Variants in NCKAP5 observed in about 807,000 individuals in gnomAD.
NCKAP5 encodes the protein nck-associated protein 5.
In NCKAP5, 92 loss-of-function variants were observed where a neutral mutation model predicts 167.0. The observed-to-expected ratio is 0.55, with a 90% CI of 0.47 to 0.66. The LOEUF (loss-of-function observed/expected upper bound fraction) is 0.66. Among genes scored for constraint, NCKAP5 ranks in the 30% least tolerant of loss-of-function variants. The probability of loss-of-function intolerance (pLI) is 0.00; values close to 1 mark genes in which losing one functional copy is unlikely to be tolerated. For missense variants in NCKAP5, 2,378 were observed against 2,315.0 expected (o/e 1.03, Z -0.56); for synonymous variants, 891 against 877.4 (o/e 1.02, Z -0.27).
At chr2:132,774,272 G>T (rs777467636) in intron 15 of NCKAP5, among the ~76,000 whole-genome samples, 8 of 152,150 alleles carry the variant, frequency 5.3e-5, no homozygotes, top group African/African-American at 1.9e-4. Flanking sequence ...GTCTAACGAG[G>T]TATAATTCCT....
intron 3 of NCKAP5, among the ~76,000 whole-genome samples, chr2:133,345,234 C>T (rs1025475925): frequency 1.3e-5 from 2 of 152,016 alleles, no homozygotes; most frequent in African/African-American, 4.8e-5. Context: ...AAGTGAGGAG[C>T]GCCTTTGCCC....
intron 5 of NCKAP5, among the ~76,000 whole-genome samples, chr2:133,188,156 T>A (rs2085036007): frequency 6.6e-6 from 1 of 151,940 alleles, no homozygotes; most frequent in African/African-American, 2.4e-5. Flanking sequence ...GGAGCTCTTG[T>A]AAGGCAGACC....
chr2:132,955,679 G>A (rs2076320183), intron 8 of NCKAP5, among the ~76,000 whole-genome samples: 2 of 152,112 alleles, frequency 1.3e-5, no homozygotes, highest in African/African-American at 2.4e-5. Context: ...ATCCAGTAAT[G>A]AGATTGCTGG....
intron 3 of NCKAP5, among the ~76,000 whole-genome samples, chr2:133,513,457 T>C (rs1683671852): frequency 6.6e-6 from 1 of 152,188 alleles, no homozygotes; most frequent in Non-Finnish European, 1.5e-5. Context: ...CAAGTCCATG[T>C]GGTGCATCCT....
chr2:133,462,295 T>C (rs543488231), intron 3 of NCKAP5, among the ~76,000 whole-genome samples: 1 of 152,288 alleles, frequency 6.6e-6, no homozygotes, highest in African/African-American at 2.4e-5. Context: ...GATAAAGTTG[T>C]CAGAGTGGAG....
rs1397493932 is a variant in NCKAP5, at chr2:133,453,605, G to A, written c.69+63853C>T. Among the ~76,000 whole-genome samples, 3 of 152,202 alleles carry A rather than the reference G, an allele frequency of 2.0e-5. No homozygotes were observed. In the East Asian group the frequency reaches 5.8e-4, roughly 29 times the overall value. ...GGTTATTCATTCAGTGGAACATGAT[G>A]TAGCCAGTAAAATATATTTATGCAA... On this transcript the variant is annotated intron_variant, in intron 3 of 19. Transcript: ENST00000409261.
At chr2:132,856,429 C>T (rs1430059383) in intron 11 of NCKAP5, among the ~76,000 whole-genome samples, 1 of 152,160 alleles carries the variant, frequency 6.6e-6, no homozygotes, top group Non-Finnish European at 1.5e-5. Context: ...AGTCCGCATT[C>T]TAAGAAGTAA....
the NCKAP5 span, among the ~76,000 whole-genome samples, chr2:133,661,397 A>G: frequency 6.6e-6 from 1 of 152,250 alleles, no homozygotes; most frequent in East Asian, 1.9e-4. Flanking sequence ...TGCTTTTTAA[A>G]AAATTAATAC....
intron 3 of NCKAP5, among the ~76,000 whole-genome samples, chr2:133,394,804 C>T (rs540076762): frequency 9.3e-4 from 142 of 152,246 alleles, no homozygotes; most frequent in African/African-American, 3.0e-3. Flanking sequence ...TGTCCTTGGC[C>T]TTAAAGACAG....
chr2:133,474,468 T>A (rs1291155582), intron 3 of NCKAP5, among the ~76,000 whole-genome samples: 1 of 152,186 alleles, frequency 6.6e-6, no homozygotes, highest in African/African-American at 2.4e-5. Flanking sequence ...CAGGAATAAG[T>A]TCAAGAGATC....
chr2:133,478,664 A>G (rs1469876263), intron 3 of NCKAP5, among the ~76,000 whole-genome samples: 1 of 152,216 alleles, frequency 6.6e-6, no homozygotes, highest in Non-Finnish European at 1.5e-5. Flanking sequence ...AAGATTTATG[A>G]CGAAACATAC....
intron 4 of NCKAP5, among the ~76,000 whole-genome samples, chr2:133,260,901 C>T (rs2088873829): frequency 6.6e-6 from 1 of 151,976 alleles, no homozygotes; most frequent in African/African-American, 2.4e-5. Context: ...TAACATTTGG[C>T]ACATGTGGGC....
chr2:132,866,564 T>C (rs1388565442), intron 10 of NCKAP5, among the ~76,000 whole-genome samples: 1 of 152,204 alleles, frequency 6.6e-6, no homozygotes, highest in Non-Finnish European at 1.5e-5. Flanking sequence ...GAAATAATTT[T>C]TTTTTTCTAT....
At chr2:132,731,686 C>CTTTT in intron 17 of NCKAP5, 51 bp downstream of exon 17, 1 of 1,508,324 alleles carries the variant, frequency 6.6e-7, no homozygotes, top group Admixed American at 2.3e-5. Flanking sequence ...AAAAGTTTCC[C>CTTTT]TTTTTTTTGT....
intron 3 of NCKAP5, among the ~76,000 whole-genome samples, chr2:133,456,148 A>G (rs1045879861): frequency 6.6e-6 from 1 of 152,182 alleles, no homozygotes; most frequent in African/African-American, 2.4e-5. Context: ...TGTAGCAGAC[A>G]TTGGGAGTTC....
chr2:133,604,737 A>C, the NCKAP5 span, among the ~76,000 whole-genome samples: 3 of 152,154 alleles, frequency 2.0e-5, no homozygotes, highest in African/African-American at 7.2e-5. Context: ...AGCCTACTAC[A>C]CAGGGCTGAT....
chr2:133,606,496 A>T, the NCKAP5 span, among the ~76,000 whole-genome samples: 2 of 152,066 alleles, frequency 1.3e-5, no homozygotes, highest in Non-Finnish European at 2.9e-5. Flanking sequence ...AAAATACCCA[A>T]CGCCTCCTAA....
At chr2:133,560,659 C>T (rs1346912420) in intron 1 of NCKAP5, among the ~76,000 whole-genome samples, 1 of 152,124 alleles carries the variant, frequency 6.6e-6, no homozygotes, top group East Asian at 1.9e-4. Flanking sequence ...TGCTCCTCCC[C>T]ACCACTGTTT....
At chr2:133,547,937 G>A (rs767763811) in intron 2 of NCKAP5, among the ~76,000 whole-genome samples, 3,997 of 145,506 alleles carry the variant, frequency 0.027, 80 homozygotes, top group Non-Finnish European at 0.033. Flanking sequence ...TCTGAGCTAC[G>A]GGAGGACATT....
Sources: gnomAD v4.1 joint callset for allele counts (sites outside exome capture counted in the v4.1 genomes callset) on GRCh38, gnomAD v4.1.1 for gene constraint, MANE v1.5 for transcripts, NCBI Gene and HGNC (gene_info 2026-07-23, HGNC 2026-07-21) for gene names.